Variants in ARHGEF18 observed in about 807,000 individuals in gnomAD.
The protein encoded by ARHGEF18 is Rho/Rac guanine nucleotide exchange factor 18.
A neutral mutation model predicts 155.7 loss-of-function variants in ARHGEF18; 93 were observed. That is an observed-to-expected ratio of 0.60 (90% CI 0.50 to 0.71). The LOEUF (loss-of-function observed/expected upper bound fraction) is 0.71. Among genes scored for constraint, ARHGEF18 ranks in the 30% least tolerant of loss-of-function variants. The pLI is 0.00. For synonymous variants in ARHGEF18, 742 were observed against 753.1 expected (o/e 0.99, Z 0.24); for missense variants, 1,593 against 1,816.1 (o/e 0.88, Z 2.23).
intron 10 of ARHGEF18, among the ~76,000 whole-genome samples, chr19:7,407,961 C>CAAAAAAA (rs71179104): frequency 6.1e-5 from 3 of 48,788 alleles, no homozygotes; most frequent in African/African-American, 3.1e-4. Context: ...GACTCCGTCT[C>CAAAAAAA]AAAAAAAAAA....
chr19:7,477,948 G>GGA, the ARHGEF18 span, among the ~76,000 whole-genome samples: 1 of 152,262 alleles, frequency 6.6e-6, no homozygotes, highest in East Asian at 1.9e-4. Context: ...GTTGAGCCCA[G>GGA]GAGGCAGAGG....
Position 7,470,662 on chromosome 19 carries a change from G to A in ARHGEF18, c.*364G>A, listed in dbSNP as rs1307174878. On this transcript the variant is annotated 3_prime_UTR_variant, in exon 29 of 29. Coordinates refer to ENST00000668164, the MANE Select transcript of ARHGEF18 (RefSeq NM_001367823.1). This position sits in a 1 kb window ranked among gnomAD's most constrained non-coding sequence, Gnocchi z 5.9. ...TTCCGAGGCAGTGAGGAACGGTGCC[G>A]GCTCTGCACGGAGCTGAGGACAGGA... 1.0e-5 allele frequency: 4 copies of A among 398,182 alleles called. No homozygotes were observed. Among genetic ancestry groups the A allele is most frequent in the Non-Finnish European group, 1.8e-5 (4 of 225,480 alleles). 24.7% of individuals were successfully genotyped at this position (398,182 alleles called of 1,614,324 possible).
intron 10 of ARHGEF18, among the ~76,000 whole-genome samples, chr19:7,396,188 C>T (rs1390220332): frequency 6.6e-6 from 1 of 152,172 alleles, no homozygotes; most frequent in Non-Finnish European, 1.5e-5. Context: ...AGATTAAAGC[C>T]TGGACCACAG....
At chr19:7,402,832 C>G (rs1972088301) in intron 10 of ARHGEF18, among the ~76,000 whole-genome samples, 1 of 152,122 alleles carries the variant, frequency 6.6e-6, no homozygotes, top group Non-Finnish European at 1.5e-5. Flanking sequence ...TCCAGTGTGA[C>G]AAAGTGAGAG....
intron 7 of ARHGEF18, among the ~76,000 whole-genome samples, chr19:7,380,288 C>A (rs535246581): frequency 1.1e-4 from 16 of 151,824 alleles, no homozygotes; most frequent in Non-Finnish European, 1.9e-4. Context: ...ACCATCCTGA[C>A]TAACATGGTG....
chr19:7,425,073 C>T (rs1002110803), intron 10 of ARHGEF18, among the ~76,000 whole-genome samples: 17 of 151,852 alleles, frequency 1.1e-4, no homozygotes, highest in African/African-American at 4.1e-4. Flanking sequence ...TCAGTATTTC[C>T]CGAGAGCCAT....
intron 1 of ARHGEF18, among the ~76,000 whole-genome samples, chr19:7,352,268 G>A (rs369611687): frequency 6.6e-6 from 1 of 151,832 alleles, no homozygotes; most frequent in African/African-American, 2.4e-5. Flanking sequence ...CTTGAAGATG[G>A]ATTTTGCTCT....
chr19:7,469,846 T>C lies in ARHGEF18; in HGVS notation c.3788-58T>C, dbSNP rs1423354048. ...GCCCCTCTGCTCTCGGAGGCTGCCC[T>C]GGCGGGTGGGGACAGCTGGCCAGCC... On this transcript the variant is annotated intron_variant, in intron 27 of 28. Coordinates refer to ENST00000668164, the MANE Select transcript of ARHGEF18 (RefSeq NM_001367823.1). 9.5e-6 allele frequency: 15 copies of C among 1,587,250 alleles called. No individual in the cohort carries two copies. The Admixed American group carries it at 1.4e-4, about 15-fold the overall frequency.
At chr19:7,424,577 C>G (rs569845240) in intron 10 of ARHGEF18, among the ~76,000 whole-genome samples, 2 of 152,282 alleles carry the variant, frequency 1.3e-5, no homozygotes, top group East Asian at 3.9e-4. Flanking sequence ...GCAACTATAA[C>G]TGAACATGTA....
At position 7,362,009 on chromosome 19, in the gene ARHGEF18, A is replaced by G. The variant is rs1472614786; in HGVS notation, c.-110-772A>G. 1.8e-3 allele frequency among the ~76,000 whole-genome samples: 86 copies of G among 47,996 alleles called. 1 individual carries two copies. The highest frequency in any genetic ancestry group is 2.6e-3 in the East Asian group (3 of 1,148). 31.5% of individuals were successfully genotyped at this position (47,996 alleles called of 152,430 possible). ...ACTCTGTGGAAGAAGAAGAAGAAGA[A>G]GAAGAAGGAGAAGGAGAAGGAGAAG... On this transcript the variant is annotated intron_variant, in intron 1 of 28. Coordinates refer to ENST00000668164, the MANE Select transcript of ARHGEF18 (RefSeq NM_001367823.1).
intron 2 of ARHGEF18, among the ~76,000 whole-genome samples, chr19:7,370,231 C>T (rs193025663): frequency 7.9e-5 from 12 of 151,958 alleles, no homozygotes; most frequent in African/African-American, 2.9e-4. Flanking sequence ...CGCGGTGGCT[C>T]ACGCCTGTAA....
intron 10 of ARHGEF18, among the ~76,000 whole-genome samples, chr19:7,385,833 A>ATCTCTCTCTCTCTCTCTC (rs762196307): frequency 1.3e-4 from 7 of 51,970 alleles, no homozygotes; most frequent in African/African-American, 2.9e-4. Flanking sequence ...ATCTCTCTCT[A>ATCTCTCTCTCTCTCTCTC]TCTCTCTCTC....
downstream of ARHGEF18, among the ~76,000 whole-genome samples, chr19:7,474,961 C>G (rs1024238851): frequency 1.3e-5 from 2 of 152,024 alleles, no homozygotes; most frequent in Non-Finnish European, 2.9e-5. Context: ...TGGCTGGGCA[C>G]GGTGGCCCAC....
intron 10 of ARHGEF18, among the ~76,000 whole-genome samples, chr19:7,383,571 G>A (rs375838190): frequency 9.2e-5 from 14 of 152,032 alleles, no homozygotes; most frequent in African/African-American, 2.9e-4. Context: ...CTGAGATCAA[G>A]GGCTAAGCTT....
Position 7,444,932 on chromosome 19 carries a change from C to CA in ARHGEF18, c.1611+479dup, listed in dbSNP as rs2145796630. Reference sequence around the variant, plus strand: ...GGATCACAGGCATGAGCCATTGTGCCAGCCTTTTCCTTTCAGTAATAAAAC... The same window carrying CA: ...GGATCACAGGCATGAGCCATTGTGCCAAGCCTTTTCCTTTCAGTAATAAAAC... On this transcript the variant is annotated intron_variant, in intron 14 of 28. Transcript: ENST00000668164. This position sits in a 1 kb window ranked among gnomAD's most constrained non-coding sequence, Gnocchi z 4.7. 6.9e-6 allele frequency among the ~76,000 whole-genome samples: 1 copy of CA among 144,468 alleles called. No individual in the cohort carries two copies. Among genetic ancestry groups the CA allele is most frequent in the East Asian group, 2.0e-4 (1 of 5,012 alleles). The allele number at this position is 144,468 out of a possible 152,430, so 94.8% of individuals were successfully genotyped here. A position where few individuals can be genotyped will look rare whatever the true frequency, so the allele number is the denominator to read the frequency against.
At chr19:7,366,307 A>G (rs1219573883) in intron 2 of ARHGEF18, among the ~76,000 whole-genome samples, 1 of 152,182 alleles carries the variant, frequency 6.6e-6, no homozygotes, top group Non-Finnish European at 1.5e-5. Flanking sequence ...ACTATTGGAA[A>G]CTTCCAGATT....
chr19:7,349,027 T>C lies in ARHGEF18; in HGVS notation c.-325T>C, dbSNP rs181784957. ...TCTGGGCTCTTTTTAGGCCCCTAGATTGGCCTGCAGCTGGGAGCAGAGTGG... is the reference window on the plus strand; with the variant it reads ...TCTGGGCTCTTTTTAGGCCCCTAGACTGGCCTGCAGCTGGGAGCAGAGTGG... On this transcript the variant is annotated 5_prime_UTR_variant, in exon 1 of 29. Coordinates refer to ENST00000668164, the MANE Select transcript of ARHGEF18 (RefSeq NM_001367823.1). 6.6e-6 allele frequency: 1 copy of C among 152,478 alleles called. No homozygotes were observed. The highest frequency in any genetic ancestry group is 1.5e-5 in the Non-Finnish European group (1 of 68,152). 9.4% of individuals were successfully genotyped at this position (152,478 alleles called of 1,614,324 possible). A position where few individuals can be genotyped will look rare whatever the true frequency, so the allele number is the denominator to read the frequency against.
chr19:7,439,058 T>G (rs1018465468), intron 10 of ARHGEF18, among the ~76,000 whole-genome samples: 2 of 152,026 alleles, frequency 1.3e-5, no homozygotes, highest in Non-Finnish European at 2.9e-5. Flanking sequence ...TTTGTATTTT[T>G]TATTTTTTTT....
At chr19:7,424,095 C>T (rs985482603) in intron 10 of ARHGEF18, among the ~76,000 whole-genome samples, 40 of 151,924 alleles carry the variant, frequency 2.6e-4, no homozygotes, top group African/African-American at 9.4e-4. Flanking sequence ...GGCGTGATCT[C>T]GGCTGACCGC....
Sources: gnomAD v4.1 joint callset for allele counts (sites outside exome capture counted in the v4.1 genomes callset) on GRCh38, gnomAD v4.1.1 for gene constraint, Gnocchi (gnomAD v3.1) non-coding constraint, MANE v1.5 for transcripts, NCBI Gene and HGNC (gene_info 2026-07-23, HGNC 2026-07-21) for gene names.